CBARP: variants seen among roughly 807,000 people sequenced by gnomAD.
CBARP encodes the protein CACN subunit beta associated regulatory protein.
Under a neutral mutation model 36.3 loss-of-function variants are expected in CBARP, and 24 were observed. The observed-to-expected ratio is 0.66, with a 90% CI of 0.48 to 0.93. CBARP has a LOEUF of 0.93. Among genes scored for constraint, CBARP ranks in the 40% least tolerant of loss-of-function variants. CBARP has a pLI of 0.00. For missense variants in CBARP, 1,146 were observed against 980.4 expected (o/e 1.17, Z -2.26); for synonymous variants, 586 against 453.2 (o/e 1.29, Z -3.72).
Position 1,229,593 on chromosome 19 carries a change from T to C in CBARP, c.1704A>G (p.Arg568=), listed in dbSNP as rs776355367. 1.3e-5 allele frequency: 15 copies of C among 1,190,356 alleles called. No homozygotes were observed. Among genetic ancestry groups the C allele is most frequent in the Non-Finnish European group, 1.6e-5 (15 of 943,496 alleles). 73.7% of individuals were successfully genotyped at this position (1,190,356 alleles called of 1,614,324 possible). Residue 568 remains arginine (R), a synonymous_variant, in exon 10 of 10, where the codon CGA becomes CGG. Transcript: ENST00000650044. The surrounding 1 kb of genome is among the most constrained non-coding windows in gnomAD (Gnocchi z 5.1). ...PHFDDTPAAA[R]HRARAHPHAR... ...CGTGCGGGTGCGCGCGGGCGCGGTG[T>C]CGCGCGGCAGCCGGCGTGTCGTCGA...
Position 1,237,843 on chromosome 19 carries a change from C to G in CBARP, c.-109G>C, listed in dbSNP as rs955065445. On this transcript the variant is annotated 5_prime_UTR_variant, in exon 1 of 10. Coordinates refer to ENST00000650044, the MANE Select transcript of CBARP (RefSeq NM_001393918.1). ...GCGGCTGGCTCCGGCGCCCGGTGGC[C>G]GCGGAGCAGGCGGAGAATTTATGAA... 21 of 148,188 alleles carry G rather than the reference C, an allele frequency of 1.4e-4. No individual in the cohort carries two copies. The highest frequency in any genetic ancestry group is 5.1e-4 in the African/African-American group (21 of 41,136). 9.2% of individuals were successfully genotyped at this position (148,188 alleles called of 1,614,324 possible). A position where few individuals can be genotyped will look rare whatever the true frequency, so the allele number is the denominator to read the frequency against.
intron 7 of CBARP, among the ~76,000 whole-genome samples, chr19:1,233,938 G>A (rs2080927340): frequency 6.6e-6 from 1 of 152,176 alleles, no homozygotes; most frequent in African/African-American, 2.4e-5. Context: ...GGGCAGGGGT[G>A]GCGCACCCTC....
At chr19:1,230,998 GTCCACGGGGCCTGGAGAGCGC>G (rs1568730934) in intron 9 of CBARP, 82 bp downstream of exon 9, 1 of 1,547,706 alleles carries the variant, frequency 6.5e-7, no homozygotes, top group Non-Finnish European at 8.7e-7. Flanking sequence ...GCGAGCGCGT[GTCCACGGGGCCTGGAGAGCGC>G]TCCCTGGGCC....
At chr19:1,235,417 A>G in intron 4 of CBARP, 84 bp downstream of exon 4, 1 of 1,378,098 alleles carries the variant, frequency 7.3e-7, no homozygotes, top group Non-Finnish European at 9.8e-7. Flanking sequence ...ACAGACACAG[A>G]CGGTCAGGCA....
chr19:1,236,208 G>C, intron 1 of CBARP, 87 bp from the exon 2 acceptor site: 1 of 1,341,050 alleles, frequency 7.5e-7, no homozygotes, highest in African/African-American at 1.5e-5. Context: ...CCCTGCAGGA[G>C]CAGGAGCCCA....
rs1218988580 is a variant in CBARP, at chr19:1,236,046, CAGTGGTGGT to C, written c.46_54del (p.Thr16_Thr18del). The stretch of plus-strand genomic sequence containing the variant: ...CACGACGTCGTCAGGGCTACTGTGG[CAGTGGTGGT>C]GGTGGTGGTGGTGGCGGCTGTGGCC... On this transcript the variant is annotated inframe_deletion, in exon 2 of 10. Coordinates refer to ENST00000650044, the MANE Select transcript of CBARP (RefSeq NM_001393918.1). The C allele has an allele frequency of 2.6e-6, 4 of 1,531,010 alleles. No individual in the cohort carries two copies. Among genetic ancestry groups the C allele is most frequent in the African/African-American group, 1.4e-5 (1 of 72,216 alleles). 94.8% of individuals were successfully genotyped at this position (1,531,010 alleles called of 1,614,324 possible).
At chr19:1,233,300 AC>A (rs2080917889) in intron 8 of CBARP, 125 bp downstream of exon 8, 5 of 970,838 alleles carry the variant, frequency 5.2e-6, no homozygotes, top group Non-Finnish European at 6.0e-6. Flanking sequence ...ACTGGGCAGG[AC>A]TCAGCCCCAG....
Position 1,230,034 on chromosome 19 carries a change from G to C in CBARP, c.1263C>G (p.Ala421=). ...EQQQPPLEPD[A]ERDAGPEQAQ... ...CCTGCTCGGGGCCCGCGTCCCGCTC[G>C]GCGTCCGGCTCCAGTGGCGGCTGCT... is the stretch of plus-strand genomic sequence containing the variant. Residue 421 remains alanine, a synonymous_variant, in exon 10 of 10, where the codon GCC becomes GCG. Transcript: ENST00000650044. The C allele has an allele frequency of 8.2e-7, 1 of 1,224,184 alleles. No homozygotes were observed. The highest frequency in any genetic ancestry group is 1.0e-6 in the Non-Finnish European group (1 of 960,702). 75.8% of individuals were successfully genotyped at this position (1,224,184 alleles called of 1,614,324 possible).
chr19:1,238,274 C>A (rs914169622), upstream of CBARP: 1 of 152,332 alleles, frequency 6.6e-6, no homozygotes, highest in African/African-American at 2.4e-5. Flanking sequence ...GGCACGGACT[C>A]CCCTCTCACG....
chr19:1,235,347 G>T, intron 4 of CBARP, 154 bp downstream of exon 4: 2 of 1,079,020 alleles, frequency 1.9e-6, no homozygotes, highest in Non-Finnish European at 2.6e-6. Context: ...CTACGCCTGG[G>T]CGTTAAGGAA....
chr19:1,229,664 TCTC>T lies in CBARP; in HGVS notation c.1630_1632del (p.Glu544del). 8.7e-7 allele frequency: 1 copy of T among 1,146,920 alleles called. No individual in the cohort carries two copies. The highest frequency in any genetic ancestry group is 2.8e-4 in the Middle Eastern group (1 of 3,614). 71.0% of individuals were successfully genotyped at this position (1,146,920 alleles called of 1,614,324 possible). On this transcript the variant is annotated inframe_deletion, in exon 10 of 10. Coordinates refer to ENST00000650044, the MANE Select transcript of CBARP (RefSeq NM_001393918.1). The surrounding 1 kb of genome is among the most constrained non-coding windows in gnomAD (Gnocchi z 5.1). Reference sequence around the variant, plus strand: ...AACTCGTGGAACAGCGCGTCCGTCTTCTCGTCGATGCTGTAGTCGCGGCGCGGG... The same window carrying T: ...AACTCGTGGAACAGCGCGTCCGTCTTGTCGATGCTGTAGTCGCGGCGCGGG...
At chr19:1,230,208 C>G (rs1223299821) in intron 9 of CBARP, 66 bp from the exon 10 acceptor site, 1 of 994,644 alleles carries the variant, frequency 1.0e-6, no homozygotes. Flanking sequence ...CCGGCCATCC[C>G]GCCTCTGGAT....
intron 6 of CBARP, 33 bp downstream of exon 6, chr19:1,234,538 C>T (rs369637626): frequency 6.4e-7 from 1 of 1,569,528 alleles, no homozygotes. Context: ...CTCCCGTCCC[C>T]CGAGGAACCG....
At chr19:1,234,779 C>T in intron 5 of CBARP, 37 bp from the exon 6 acceptor site, 1 of 1,593,454 alleles carries the variant, frequency 6.3e-7, no homozygotes, top group Non-Finnish European at 8.5e-7. Flanking sequence ...CCGCCCACCT[C>T]CCATGCCCGA....
intron 9 of CBARP, chr19:1,230,794 G>A (rs903357337): frequency 5.6e-5 from 80 of 1,420,006 alleles, no homozygotes; most frequent in Middle Eastern, 2.5e-4. Context: ...AGAGGGCCTG[G>A]GACCACAGCA....
rs146688767 is a variant in CBARP, at chr19:1,236,017, G to C, written c.84C>G (p.Asp28Glu). 1 of 1,544,720 alleles carries C rather than the reference G, an allele frequency of 6.5e-7. No individual in the cohort carries two copies. Among genetic ancestry groups the C allele is most frequent in the African/African-American group, 1.4e-5 (1 of 72,822 alleles). Residue 28 changes from aspartate (D) to glutamate (E), a missense_variant, in exon 2 of 10, where the codon GAC becomes GAG. By Grantham distance (45) the Asp-to-Glu change is conservative (BLOSUM62 2). Transcript: ENST00000650044. ...CCACCGTGGGGCGTCCAGTGGCATT[G>C]TCCCACGACGTCGTCAGGGCTACTG... ...TATVALTTSW[D>E]NATGRPTAEP...
At chr19:1,234,950 G>A in intron 5 of CBARP, 51 bp downstream of exon 5, 1 of 1,566,822 alleles carries the variant, frequency 6.4e-7, no homozygotes, top group Non-Finnish European at 8.7e-7. Flanking sequence ...CGTCCCGGCG[G>A]CCAGGACCTC....
intron 8 of CBARP, among the ~76,000 whole-genome samples, chr19:1,232,890 C>A: frequency 6.6e-6 from 1 of 152,258 alleles, no homozygotes; most frequent in East Asian, 1.9e-4. Context: ...CTGCTGACCC[C>A]TGGCCCAGTC....
chr19:1,231,170 C>A lies in CBARP; in HGVS notation c.1085G>T (p.Arg362Leu), dbSNP rs1028163269. 4 of 1,600,680 alleles carry A rather than the reference C, an allele frequency of 2.5e-6. No individual in the cohort carries two copies. The South Asian group carries it at 3.3e-5, about 13-fold the overall frequency. ...CGGGAAGGCCACGGCGTCGCCCGCC[C>A]GGGCAATGTACTGGATGAAGTCCTC... ...PQEDFIQYIARAGDAVAFPHP... is the reference protein window; with the variant it reads ...PQEDFIQYIALAGDAVAFPHP... Residue 362 changes from arginine to leucine, a missense_variant, in exon 9 of 10, where the codon CGG becomes CTG. Transcript: ENST00000650044.
Sources: allele counts gnomAD v4.1 joint callset (sites outside exome capture counted in the v4.1 genomes callset), GRCh38; gene constraint gnomAD v4.1.1; non-coding constraint Gnocchi (gnomAD v3.1); transcripts MANE v1.5; gene names NCBI Gene and HGNC (gene_info 2026-07-23, HGNC 2026-07-21).